ZNF696: variants seen among roughly 807,000 people sequenced by gnomAD.
ZNF696 encodes the protein zinc finger protein 696.
ZNF696 carries 10 observed loss-of-function variants against 12.3 expected under a neutral mutation model. That is an observed-to-expected ratio of 0.81 (90% CI 0.50 to 1.38). ZNF696 has a LOEUF of 1.38. Among genes scored for constraint, ZNF696 ranks in the 40% most tolerant of loss-of-function variants. The pLI is 0.00. For synonymous variants in ZNF696, 304 were observed against 243.9 expected, an observed-to-expected ratio of 1.25 and a Z score of -2.29; for missense variants, 675 against 554.7, an observed-to-expected ratio of 1.22 and a Z score of -2.18.
intron 2 of ZNF696, chr8:143,293,383 C>CAGG (rs1815657076): frequency 2.0e-6 from 1 of 507,014 alleles, no homozygotes; most frequent in East Asian, 3.1e-5. Context: ...GTTGAGGGGC[C>CAGG]ATCCTGTGTG....
intron 2 of ZNF696, 51 bp from the exon 3 acceptor site, chr8:143,295,689 G>T: frequency 6.7e-7 from 1 of 1,484,282 alleles, no homozygotes; most frequent in South Asian, 1.4e-5. Context: ...AGCCACCCTC[G>T]ACTCACGTTC....
In ZNF696 at chr8:143,291,717, C is replaced by G. The variant is rs977591875; in HGVS notation, c.-81C>G. On this transcript the variant is annotated 5_prime_UTR_variant, in exon 1 of 3. The change creates a new upstream start codon in the 5' untranslated region. Coordinates refer to ENST00000330143, the MANE Select transcript of ZNF696 (RefSeq NM_030895.3). The stretch of plus-strand genomic sequence containing the variant: ...CAAATTTCCCACCGGCCCAGCTCAT[C>G]GAGCTTCTTCCCAGCTGTGAACAGG... 110 of 985,380 alleles carry G rather than the reference C, an allele frequency of 1.1e-4. No individual in the cohort carries two copies. The highest frequency in any genetic ancestry group is 1.3e-4 in the Non-Finnish European group (107 of 829,956). 61.0% of individuals were successfully genotyped at this position (985,380 alleles called of 1,614,324 possible). A position where few individuals can be genotyped will look rare whatever the true frequency, so the allele number is the denominator to read the frequency against.
Position 143,293,364 on chromosome 8 carries a change from C to T in ZNF696, c.64+299C>T, listed in dbSNP as rs147761399. On this transcript the variant is annotated intron_variant, in intron 2 of 2. Transcript: ENST00000330143. ...GGCACCGTGGCTGTTTTGGAATGGA[C>T]GAGTCTTTGTTGAGGGGCCATCCTG... 310 of 527,160 alleles carry T rather than the reference C, an allele frequency of 5.9e-4. 2 individuals carry two copies. The highest frequency in any genetic ancestry group is 5.3e-3 in the African/African-American group (280 of 52,648). 32.7% of individuals were successfully genotyped at this position (527,160 alleles called of 1,614,324 possible).
intron 2 of ZNF696, among the ~76,000 whole-genome samples, chr8:143,294,975 C>A (rs556369271): frequency 9.2e-5 from 14 of 152,226 alleles, no homozygotes; most frequent in Admixed American, 3.9e-4. Flanking sequence ...TGGAGGTGCG[C>A]CACCTACTTG....
chr8:143,297,056 G>A lies in ZNF696; in HGVS notation c.*256G>A. 1 of 386,106 alleles carries A rather than the reference G, an allele frequency of 2.6e-6. No individual in the cohort carries two copies. The highest frequency in any genetic ancestry group is 6.6e-4 in the Middle Eastern group (1 of 1,510). The allele number at this position is 386,106 out of a possible 1,614,324, so 23.9% of individuals were successfully genotyped here. On this transcript the variant is annotated 3_prime_UTR_variant, in exon 3 of 3. Coordinates refer to ENST00000330143, the MANE Select transcript of ZNF696 (RefSeq NM_030895.3). ...GGGAGGTCTCAGGGGTCTGTCCCGG[G>A]CCGGCCGCCCGCCTCTGAGACTCCC...
At position 143,297,015 on chromosome 8, in the gene ZNF696, G is replaced by A. The variant is rs1815732772; in HGVS notation, c.*215G>A. ...GGAAGGCGAGCGCTGCCCGCGGGAG[G>A]CGATTCCCAGAGGCGGGGAGGTCTC... On this transcript the variant is annotated 3_prime_UTR_variant, in exon 3 of 3. Coordinates refer to ENST00000330143, the MANE Select transcript of ZNF696 (RefSeq NM_030895.3). 1 of 478,242 alleles carries A rather than the reference G, an allele frequency of 2.1e-6. No individual in the cohort carries two copies. The highest frequency in any genetic ancestry group is 2.0e-5 in the African/African-American group (1 of 48,942). The allele number at this position is 478,242 out of a possible 1,614,324, so 29.6% of individuals were successfully genotyped here.
rs201961712 is a variant in ZNF696, at chr8:143,295,790, G to C, written c.115G>C (p.Glu39Gln). Residue 39 changes from glutamate (E) to glutamine (Q), a missense_variant, in exon 3 of 3, where the codon GAG (glutamate) becomes CAG (glutamine). Transcript: ENST00000330143. Reference sequence around the variant, plus strand: ...GGCCCCGAGTGGCAGCCGGTCAGCCGAGGTGCAGGCAGCTCAGAGCACGGA... The same window carrying C: ...GGCCCCGAGTGGCAGCCGGTCAGCCCAGGTGCAGGCAGCTCAGAGCACGGA... ...AQAPSGSRSA[E>Q]VQAAQSTEPA... is the part of the protein sequence containing the mutation. 1.9e-6 allele frequency: 3 copies of C among 1,604,822 alleles called. 1 individual carries two copies. The South Asian group carries it at 3.3e-5, about 18-fold the overall frequency.
In ZNF696 at chr8:143,291,649, G is replaced by A; in HGVS notation, c.-149G>A. On this transcript the variant is annotated 5_prime_UTR_variant, in exon 1 of 3. Coordinates refer to ENST00000330143, the MANE Select transcript of ZNF696 (RefSeq NM_030895.3). Reference sequence around the variant, plus strand: ...GTCCGACACGTGCGGGGCTTCCTGCGAGCTGAGTCCCCGCTGCGCGTCTTC... The same window carrying A: ...GTCCGACACGTGCGGGGCTTCCTGCAAGCTGAGTCCCCGCTGCGCGTCTTC... 1 of 985,500 alleles carries A rather than the reference G, an allele frequency of 1.0e-6. No homozygotes were observed. Among genetic ancestry groups the A allele is most frequent in the South Asian group, 4.7e-5 (1 of 21,292 alleles). The allele number at this position is 985,500 out of a possible 1,614,324, so 61.0% of individuals were successfully genotyped here.
chr8:143,296,590 C>G lies in ZNF696; in HGVS notation c.915C>G (p.Ser305Arg). ...CQDCGRAFSR[S>R]SFLREHRRIH... ...ACTGCGGCCGCGCCTTCAGCCGCAG[C>G]TCCTTCCTCCGCGAGCACCGCCGCA... is the stretch of plus-strand genomic sequence containing the variant. The change falls in exon 3 of 3, where the codon AGC becomes AGG. Residue 305 changes from serine (S) to arginine (R), a missense_variant. Ser to Arg is a moderately radical substitution (Grantham distance 110). Transcript: ENST00000330143. 1.3e-6 allele frequency: 2 copies of G among 1,586,482 alleles called. No homozygotes were observed. The highest frequency in any genetic ancestry group is 1.7e-6 in the Non-Finnish European group (2 of 1,172,268).
rs1394811504 is a variant in ZNF696, at chr8:143,298,917, T to C, written c.*2117T>C. 6.6e-6 allele frequency among the ~76,000 whole-genome samples: 1 copy of C among 152,042 alleles called. No homozygotes were observed. The highest frequency in any genetic ancestry group is 1.5e-5 in the Non-Finnish European group (1 of 68,016). On this transcript the variant is annotated 3_prime_UTR_variant, in exon 3 of 3. Transcript: ENST00000330143. ...GGCTCACGCCTGTAATTCCAGCACT[T>C]TGGGAGGCTGAGGCAGTGGATCACC...
In ZNF696 at chr8:143,299,339, C is replaced by A. The variant is rs115005332; in HGVS notation, c.*2539C>A. 7.9e-5 allele frequency among the ~76,000 whole-genome samples: 12 copies of A among 152,212 alleles called. No homozygotes were observed. Among genetic ancestry groups the A allele is most frequent in the African/African-American group, 2.6e-4 (11 of 41,528 alleles). On this transcript the variant is annotated 3_prime_UTR_variant, in exon 3 of 3. Coordinates refer to ENST00000330143, the MANE Select transcript of ZNF696 (RefSeq NM_030895.3). ...AGGGACAGAAATGTTCTAAGACCCT[C>A]CGGTTGTTGGGAAGAGGGTGTAAGA... is the stretch of plus-strand genomic sequence containing the variant.
chr8:143,296,210 A>G lies in ZNF696; in HGVS notation c.535A>G (p.Arg179Gly). 1 of 1,595,022 alleles carries G rather than the reference A, an allele frequency of 6.3e-7. No homozygotes were observed. The change falls in exon 3 of 3, where the codon AGG (arginine) becomes GGG (glycine). Residue 179 changes from arginine (R) to glycine (G), a missense_variant. Arg to Gly is a moderately radical substitution (Grantham distance 125, BLOSUM62 -2). Coordinates refer to ENST00000330143, the MANE Select transcript of ZNF696 (RefSeq NM_030895.3). ...VRHQRAHSGERPYACAECGKA... is the reference protein window; with the variant it reads ...VRHQRAHSGEGPYACAECGKA... ...GCACCAGCGGGCGCACAGCGGGGAG[A>G]GGCCCTACGCGTGCGCCGAGTGCGG...
At position 143,296,835 on chromosome 8, in the gene ZNF696, G is replaced by C. The variant is rs373807085; in HGVS notation, c.*35G>C. The stretch of plus-strand genomic sequence containing the variant: ...GCGGCGGAAGAGATGCCGGCGGCCT[G>C]GTGGGCGCGAGGCCGAGGCCGGGGG... On this transcript the variant is annotated 3_prime_UTR_variant, in exon 3 of 3. Coordinates refer to ENST00000330143, the MANE Select transcript of ZNF696 (RefSeq NM_030895.3). The C allele has an allele frequency of 7.3e-7, 1 of 1,374,676 alleles. No homozygotes were observed. The allele number at this position is 1,374,676 out of a possible 1,614,324, so 85.2% of individuals were successfully genotyped here.
At position 143,296,534 on chromosome 8, in the gene ZNF696, C is replaced by G. The variant is rs1367313824; in HGVS notation, c.859C>G (p.His287Asp). Residue 287 changes from histidine (H) to aspartate (D), a missense_variant, in exon 3 of 3, where the codon CAC (histidine) becomes GAC (aspartate). Coordinates refer to ENST00000330143, the MANE Select transcript of ZNF696 (RefSeq NM_030895.3). Reference protein sequence around the residue: ...SSNLLQHQRVHTGERPFACQD... With the variant: ...SSNLLQHQRVDTGERPFACQD... Reference sequence around the variant, plus strand: ...CAACCTCCTCCAGCACCAGCGCGTGCACACGGGGGAGCGGCCCTTCGCCTG... The same window carrying G: ...CAACCTCCTCCAGCACCAGCGCGTGGACACGGGGGAGCGGCCCTTCGCCTG... 1 of 1,605,006 alleles carries G rather than the reference C, an allele frequency of 6.2e-7. No homozygotes were observed. The highest frequency in any genetic ancestry group is 1.1e-5 in the South Asian group (1 of 90,910).
In ZNF696 at chr8:143,296,342, G is replaced by A. The variant is rs562692809; in HGVS notation, c.667G>A (p.Asp223Asn). Reference protein sequence around the residue: ...DCGKAFGQRSDAAKHRRTHTG... With the variant: ...DCGKAFGQRSNAAKHRRTHTG... Reference sequence around the variant, plus strand: ...CGGCAAGGCCTTCGGCCAGAGGTCGGACGCCGCCAAGCACCGCCGCACCCA... The same window carrying A: ...CGGCAAGGCCTTCGGCCAGAGGTCGAACGCCGCCAAGCACCGCCGCACCCA... Residue 223 changes from aspartate (D) to asparagine (N), a missense_variant, in exon 3 of 3, where the codon GAC (aspartate) becomes AAC (asparagine). By Grantham distance (23) the Asp-to-Asn change is conservative (BLOSUM62 1). Coordinates refer to ENST00000330143, the MANE Select transcript of ZNF696 (RefSeq NM_030895.3). The A allele has an allele frequency of 1.3e-6, 2 of 1,590,850 alleles. No individual in the cohort carries two copies. Among genetic ancestry groups the A allele is most frequent in the South Asian group, 1.1e-5 (1 of 90,042 alleles).
At chr8:143,293,209 G>T in intron 2 of ZNF696, 144 bp downstream of exon 2, 1 of 656,308 alleles carries the variant, frequency 1.5e-6, no homozygotes, top group Non-Finnish European at 2.7e-6. Flanking sequence ...GTAAACGCAG[G>T]CCCATCAGAT....
rs1315582575 is a variant in ZNF696, at chr8:143,293,187, T to G, written c.64+122T>G. The G allele has an allele frequency of 1.8e-5, 15 of 816,746 alleles. No individual in the cohort carries two copies. In the East Asian group the frequency reaches 3.8e-4, roughly 20 times the overall value. 50.6% of individuals were successfully genotyped at this position (816,746 alleles called of 1,614,324 possible). A position where few individuals can be genotyped will look rare whatever the true frequency, so the allele number is the denominator to read the frequency against. Reference sequence around the variant, plus strand: ...ATATACTGTGTCCTTGGGCGCAGGGTGAGGGAGGGAGGTAAACGCAGGCCC... The same window carrying G: ...ATATACTGTGTCCTTGGGCGCAGGGGGAGGGAGGGAGGTAAACGCAGGCCC... On this transcript the variant is annotated intron_variant, in intron 2 of 2. Coordinates refer to ENST00000330143, the MANE Select transcript of ZNF696 (RefSeq NM_030895.3).
chr8:143,291,587 G>T lies in ZNF696; in HGVS notation c.-211G>T, dbSNP rs1221339988. 110 of 985,336 alleles carry T rather than the reference G, an allele frequency of 1.1e-4. No homozygotes were observed. The highest frequency in any genetic ancestry group is 1.3e-4 in the Non-Finnish European group (110 of 829,936). The allele number at this position is 985,336 out of a possible 1,614,324, so 61.0% of individuals were successfully genotyped here. A position where few individuals can be genotyped will look rare whatever the true frequency, so the allele number is the denominator to read the frequency against. ...GCAGGCCCCAGCCGCTCTCGGGCGC[G>T]GCGTGGGGGAGGCGGCCCTGCAGGT... On this transcript the variant is annotated 5_prime_UTR_variant, in exon 1 of 3. Transcript: ENST00000330143.
Position 143,296,088 on chromosome 8 carries a change from C to T in ZNF696, c.413C>T (p.Ser138Leu). 2 of 1,602,572 alleles carry T rather than the reference C, an allele frequency of 1.2e-6. No individual in the cohort carries two copies. Among genetic ancestry groups the T allele is most frequent in the Non-Finnish European group, 1.7e-6 (2 of 1,174,426 alleles). The stretch of plus-strand genomic sequence containing the variant: ...TGTGGCCGCAGCTTCAAGTGCTCCT[C>T]GGACGCGGCAAAGCACCGGAGCATC... ...GACGRSFKCS[S>L]DAAKHRSIHS... The change falls in exon 3 of 3, where the codon TCG becomes TTG. Residue 138 changes from serine (S) to leucine (L), a missense_variant. Transcript: ENST00000330143.
Sources: allele counts gnomAD v4.1 joint callset (sites outside exome capture counted in the v4.1 genomes callset), GRCh38; gene constraint gnomAD v4.1.1; transcripts MANE v1.5; gene names NCBI Gene and HGNC (gene_info 2026-07-23, HGNC 2026-07-21).